TBCK: variants seen among roughly 807,000 people sequenced by gnomAD.
TBCK encodes the protein TBC1 domain containing kinase.
In TBCK, 99 loss-of-function variants were observed where a neutral mutation model predicts 113.4. That is an observed-to-expected ratio of 0.87 (90% CI 0.74 to 1.03). The LOEUF (loss-of-function observed/expected upper bound fraction) is 1.03, where lower values mean the gene tolerates loss of function less well. TBCK is among the 50% of genes least tolerant of loss of function. The probability of loss-of-function intolerance (pLI) is 0.00; values close to 1 mark genes in which losing one functional copy is unlikely to be tolerated. For synonymous variants in TBCK, 369 were observed against 370.8 expected (o/e 1.00, Z 0.05); for missense variants, 1,045 against 1,061.3 (o/e 0.98, Z 0.21).
At chr4:106,253,786 G>A (rs556267373) in intron 5 of TBCK, among the ~76,000 whole-genome samples, 61 of 152,236 alleles carry the variant, frequency 4.0e-4, no homozygotes, top group African/African-American at 1.4e-3. Context: ...TATTTCTCTA[G>A]TTGTTTTGGG....
intron 23 of TBCK, among the ~76,000 whole-genome samples, chr4:106,128,234 C>T (rs1745458158): frequency 6.6e-6 from 1 of 152,136 alleles, no homozygotes; most frequent in South Asian, 2.1e-4. Context: ...TTCACATCGA[C>T]TCCCAATTTT....
intron 20 of TBCK, 121 bp downstream of exon 20, chr4:106,212,629 A>C: frequency 1.6e-6 from 1 of 631,890 alleles, no homozygotes; most frequent in Non-Finnish European, 2.8e-6. Context: ...TACAATTAGT[A>C]GCAGTAACTT....
At chr4:106,200,505 A>G (rs560341389) in intron 20 of TBCK, among the ~76,000 whole-genome samples, 1 of 152,120 alleles carries the variant, frequency 6.6e-6, no homozygotes, top group Non-Finnish European at 1.5e-5. Context: ...ACACCACTGC[A>G]CTCCAGCCTA....
chr4:106,282,310 C>T (rs1224893729), intron 3 of TBCK, among the ~76,000 whole-genome samples: 1 of 151,798 alleles, frequency 6.6e-6, no homozygotes, highest in Non-Finnish European at 1.5e-5. Context: ...CTTAGTCTAT[C>T]TAAAGGTTTG....
At chr4:106,063,913 A>G (rs1293639242) in intron 25 of TBCK, among the ~76,000 whole-genome samples, 3 of 151,994 alleles carry the variant, frequency 2.0e-5, no homozygotes. Flanking sequence ...TTCTATTGTT[A>G]TAAGCCACCC....
At chr4:106,192,980 G>A (rs1245158147) in intron 22 of TBCK, among the ~76,000 whole-genome samples, 2 of 152,064 alleles carry the variant, frequency 1.3e-5, no homozygotes, top group African/African-American at 4.8e-5. Flanking sequence ...CCTAGGTAAC[G>A]ACATTAATTT....
intron 12 of TBCK, among the ~76,000 whole-genome samples, chr4:106,239,605 C>T (rs1282385347): frequency 1.3e-5 from 2 of 152,046 alleles, no homozygotes; most frequent in African/African-American, 2.4e-5. Context: ...GAAATGGAAG[C>T]ACCGGAAGAG....
chr4:106,180,952 G>A (rs1322440656), intron 22 of TBCK, among the ~76,000 whole-genome samples: 1 of 150,392 alleles, frequency 6.6e-6, no homozygotes, highest in Non-Finnish European at 1.5e-5. Flanking sequence ...TTGAGGAATC[G>A]CCACAATGGC....
intron 3 of TBCK, among the ~76,000 whole-genome samples, chr4:106,276,645 C>T (rs1314596159): frequency 6.6e-6 from 1 of 152,160 alleles, no homozygotes; most frequent in Non-Finnish European, 1.5e-5. Flanking sequence ...ATAATCCCAG[C>T]ACTCTGGGAG....
intron 2 of TBCK, 124 bp downstream of exon 2, chr4:106,308,644 A>T (rs115362055): frequency 1.2e-6 from 1 of 849,498 alleles, no homozygotes; most frequent in African/African-American, 1.7e-5. Flanking sequence ...GAAAAGGATG[A>T]GAGAAAGAAG....
chr4:106,226,743 C>A (rs193205276), intron 19 of TBCK, among the ~76,000 whole-genome samples: 1 of 152,168 alleles, frequency 6.6e-6, no homozygotes, highest in Non-Finnish European at 1.5e-5. Context: ...TTTCTGAAAT[C>A]TTGTGATATT....
intron 22 of TBCK, among the ~76,000 whole-genome samples, chr4:106,185,147 A>G (rs1172734646): frequency 6.6e-6 from 1 of 152,154 alleles, no homozygotes; most frequent in East Asian, 1.9e-4. Flanking sequence ...TAATTTGCAC[A>G]GAAGGATTAA....
intron 25 of TBCK, among the ~76,000 whole-genome samples, chr4:106,082,360 G>C (rs1357065806): frequency 1.3e-5 from 2 of 152,144 alleles, no homozygotes; most frequent in Non-Finnish European, 2.9e-5. Context: ...GCTACATGTT[G>C]TCACTTATAA....
At chr4:106,229,735 G>T (rs1240950470) in intron 19 of TBCK, among the ~76,000 whole-genome samples, 1 of 150,666 alleles carries the variant, frequency 6.6e-6, no homozygotes, top group Admixed American at 6.6e-5. Flanking sequence ...GGTCTTTTGT[G>T]GGTCCATATA....
intron 12 of TBCK, among the ~76,000 whole-genome samples, chr4:106,241,603 T>C (rs978599330): frequency 8.6e-5 from 13 of 151,920 alleles, no homozygotes; most frequent in South Asian, 2.1e-4. Context: ...ATAGAAAAAG[T>C]TGGTATTATA....
At chr4:106,211,916 C>A (rs1265653631) in intron 20 of TBCK, among the ~76,000 whole-genome samples, 1 of 151,626 alleles carries the variant, frequency 6.6e-6, no homozygotes, top group East Asian at 1.9e-4. Flanking sequence ...GTAATGTGAA[C>A]ATTTTGGTTT....
At chr4:106,116,022 T>C (rs1444248198) in intron 24 of TBCK, among the ~76,000 whole-genome samples, 181 bp downstream of exon 24, 1 of 152,226 alleles carries the variant, frequency 6.6e-6, no homozygotes, top group African/African-American at 2.4e-5. Flanking sequence ...GTCTCTGGTA[T>C]GTAATGTTAT....
At chr4:106,286,514 A>G (rs1216458620) in intron 3 of TBCK, among the ~76,000 whole-genome samples, 1 of 152,192 alleles carries the variant, frequency 6.6e-6, no homozygotes, top group Non-Finnish European at 1.5e-5. Flanking sequence ...AATACAATTC[A>G]AAGTTCAAAA....
intron 25 of TBCK, among the ~76,000 whole-genome samples, chr4:106,080,899 G>GCCAA (rs1321307600): frequency 1.3e-5 from 2 of 152,082 alleles, no homozygotes; most frequent in Non-Finnish European, 2.9e-5. Flanking sequence ...AATTCACACA[G>GCCAA]CCAACGAACG....
Sources: gnomAD v4.1 joint callset for allele counts (sites outside exome capture counted in the v4.1 genomes callset) on GRCh38, gnomAD v4.1.1 for gene constraint, MANE v1.5 for transcripts, NCBI Gene and HGNC (gene_info 2026-07-23, HGNC 2026-07-21) for gene names.